Variants in TENM3 observed in about 807,000 individuals in gnomAD.
TENM3 encodes teneurin-3.
In TENM3, 63 loss-of-function variants were observed where a neutral mutation model predicts 255.1. The ratio of observed to expected loss-of-function variants is 0.25; its 90% CI spans 0.20 to 0.30. TENM3 has a LOEUF of 0.30. Ranked by LOEUF, TENM3 falls within the 10% of genes least tolerant of loss-of-function variation. The probability of loss-of-function intolerance (pLI) is 1.00; values close to 1 mark genes in which losing one functional copy is unlikely to be tolerated. For synonymous variants in TENM3, 1,306 were observed against 1,322.3 expected (o/e 0.99, Z 0.27); for missense variants, 2,929 against 3,461.1 (o/e 0.85, Z 3.86).
chr4:182,394,207 C>A (rs1768641178), intron 3 of TENM3, among the ~76,000 whole-genome samples: 1 of 152,072 alleles, frequency 6.6e-6, no homozygotes, highest in Admixed American at 6.6e-5. Flanking sequence ...CTTTTGCTGC[C>A]TAATGTATGC....
At chr4:181,622,635 C>T in the TENM3 span, among the ~76,000 whole-genome samples, 1 of 152,130 alleles carries the variant, frequency 6.6e-6, no homozygotes, top group South Asian at 2.1e-4. Context: ...GAGATCGCGC[C>T]ACTGTACCCC....
chr4:181,907,626 G>A, the TENM3 span, among the ~76,000 whole-genome samples: 4 of 152,030 alleles, frequency 2.6e-5, no homozygotes, highest in East Asian at 1.9e-4. Context: ...GAGACAGCTC[G>A]GAGATACATC....
the TENM3 span, among the ~76,000 whole-genome samples, chr4:181,465,170 T>C: frequency 2.7e-5 from 4 of 146,128 alleles, no homozygotes; most frequent in African/African-American, 7.5e-5. Context: ...TTCAAAGATA[T>C]GATTTTTGAA....
At chr4:182,546,915 G>T (rs4862077) in intron 3 of TENM3, among the ~76,000 whole-genome samples, 128,679 of 152,152 alleles carry the variant, frequency 0.85, 54,534 homozygotes, top group East Asian at 0.95. Context: ...TGTGTATGAT[G>T]AAAAGTCTTT....
At chr4:182,566,449 C>CA (rs1420477786) in intron 3 of TENM3, among the ~76,000 whole-genome samples, 1 of 152,140 alleles carries the variant, frequency 6.6e-6, no homozygotes, top group Non-Finnish European at 1.5e-5. Context: ...AGGGACTAAA[C>CA]AAAACTAAAC....
chr4:182,188,354 C>T (rs1249136836), intron 1 of TENM3, among the ~76,000 whole-genome samples: 1 of 151,978 alleles, frequency 6.6e-6, no homozygotes, highest in Non-Finnish European at 1.5e-5. Flanking sequence ...CAAGGTTTCT[C>T]AAGAAACCTT....
At chr4:182,471,396 A>G (rs185506485) in intron 3 of TENM3, among the ~76,000 whole-genome samples, 28 of 152,208 alleles carry the variant, frequency 1.8e-4, no homozygotes, top group African/African-American at 6.8e-4. Context: ...ACACAAACCA[A>G]GATGGTATAG....
intron 1 of TENM3, among the ~76,000 whole-genome samples, chr4:182,220,036 T>G (rs1034621541): frequency 6.6e-6 from 1 of 152,012 alleles, no homozygotes; most frequent in Non-Finnish European, 1.5e-5. Context: ...TCAAAATGCA[T>G]GTGGTTTGGC....
At chr4:182,115,625 T>C in the TENM3 span, among the ~76,000 whole-genome samples, 1 of 152,192 alleles carries the variant, frequency 6.6e-6, no homozygotes, top group Non-Finnish European at 1.5e-5. Flanking sequence ...GGATATCTAG[T>C]TCAGTGTTTT....
At chr4:182,200,982 G>A (rs867813995) in intron 1 of TENM3, among the ~76,000 whole-genome samples, 3 of 151,840 alleles carry the variant, frequency 2.0e-5, no homozygotes, top group Non-Finnish European at 2.9e-5. Context: ...ACACCACCAC[G>A]CCCAGCTAAT....
chr4:181,751,358 G>A, the TENM3 span, among the ~76,000 whole-genome samples: 1 of 142,480 alleles, frequency 7.0e-6, no homozygotes, highest in Admixed American at 7.2e-5. Context: ...TTCTGCTGAT[G>A]TTAAAGTTAG....
chr4:182,041,800 T>C, the TENM3 span, among the ~76,000 whole-genome samples: 2 of 152,214 alleles, frequency 1.3e-5, no homozygotes, highest in African/African-American at 4.8e-5. Context: ...AATATGCAGC[T>C]GGTTGGTCTT....
the TENM3 span, among the ~76,000 whole-genome samples, chr4:181,626,247 G>T: frequency 6.6e-6 from 1 of 152,162 alleles, no homozygotes; most frequent in African/African-American, 2.4e-5. Flanking sequence ...AGCACAGCAT[G>T]ATTAAAGAGC....
chr4:182,397,450 G>T (rs1394311418), intron 3 of TENM3, among the ~76,000 whole-genome samples: 2 of 143,386 alleles, frequency 1.4e-5, no homozygotes, highest in African/African-American at 5.1e-5. Context: ...GGTAATGGGA[G>T]AGAGCAGAAA....
intron 3 of TENM3, among the ~76,000 whole-genome samples, chr4:182,375,252 C>A (rs911867254): frequency 1.3e-5 from 2 of 151,838 alleles, no homozygotes; most frequent in African/African-American, 4.8e-5. Flanking sequence ...TATACTAGAT[C>A]ATAAGTATCA....
intron 6 of TENM3, among the ~76,000 whole-genome samples, chr4:182,671,440 G>C (rs575232774): frequency 8.1e-4 from 124 of 152,234 alleles, no homozygotes; most frequent in African/African-American, 2.9e-3. Context: ...TATCCTACCT[G>C]TTCCTCAATG....
intron 3 of TENM3, among the ~76,000 whole-genome samples, chr4:182,415,667 T>A (rs1442584116): frequency 1.3e-5 from 2 of 152,040 alleles, no homozygotes; most frequent in Non-Finnish European, 1.5e-5. Context: ...GGGTAAACAA[T>A]CAAGTGCCAG....
chr4:182,156,975 C>A (rs1474783185), intron 1 of TENM3, among the ~76,000 whole-genome samples: 1 of 152,116 alleles, frequency 6.6e-6, no homozygotes, highest in Non-Finnish European at 1.5e-5. Flanking sequence ...TTAAGAAAGC[C>A]AGGAGAGGTA....
the TENM3 span, among the ~76,000 whole-genome samples, chr4:181,684,966 A>G: frequency 9.1e-6 from 1 of 110,148 alleles, no homozygotes; most frequent in Non-Finnish European, 1.7e-5. Context: ...GCATCAAGCT[A>G]TGTTGTTCAG....
Sources: gnomAD v4.1 joint callset for allele counts (sites outside exome capture counted in the v4.1 genomes callset) on GRCh38, gnomAD v4.1.1 for gene constraint, MANE v1.5 for transcripts, NCBI Gene and HGNC (gene_info 2026-07-23, HGNC 2026-07-21) for gene names.